PRKCH: variants seen among roughly 807,000 people sequenced by gnomAD.
PRKCH encodes the protein protein kinase C eta type.
In PRKCH, 28 loss-of-function variants were observed where a neutral mutation model predicts 82.5. That is an observed-to-expected ratio of 0.34 (90% CI 0.25 to 0.47). The LOEUF is 0.47. PRKCH is among the 20% of genes least tolerant of loss of function. The pLI is 1.00. For synonymous variants in PRKCH, 322 were observed against 327.4 expected, an observed-to-expected ratio of 0.98 and a Z score of 0.18; for missense variants, 705 against 881.8, an observed-to-expected ratio of 0.80 and a Z score of 2.54.
chr14:61,266,588 G>A (rs1252546557), intron 1 of PRKCH, among the ~76,000 whole-genome samples: 1 of 152,182 alleles, frequency 6.6e-6, no homozygotes, highest in African/African-American at 2.4e-5. Context: ...AATCATTCAT[G>A]AGCCTCCGAA....
At chr14:61,411,947 G>A (rs1236317923) in intron 2 of PRKCH, among the ~76,000 whole-genome samples, 1 of 152,210 alleles carries the variant, frequency 6.6e-6, no homozygotes, top group East Asian at 1.9e-4. Flanking sequence ...GGAGCATTGG[G>A]TAGAGTAGAG....
intron 10 of PRKCH, among the ~76,000 whole-genome samples, chr14:61,514,773 T>C (rs188137816): frequency 2.0e-4 from 30 of 152,224 alleles, no homozygotes; most frequent in Admixed American, 1.7e-3. Context: ...TATAAAGATA[T>C]AGAAACGAAG....
chr14:61,412,405 C>T (rs1373861500), intron 2 of PRKCH, among the ~76,000 whole-genome samples: 2 of 152,158 alleles, frequency 1.3e-5, no homozygotes, highest in African/African-American at 2.4e-5. Context: ...TTCTATGACT[C>T]CATCCTTATG....
chr14:61,329,976 G>T (rs548272500), intron 1 of PRKCH, among the ~76,000 whole-genome samples: 8 of 152,172 alleles, frequency 5.3e-5, no homozygotes, highest in African/African-American at 1.7e-4. Context: ...TATTTGAAAT[G>T]CCAAGCCCTA....
At chr14:61,326,769 A>C (rs529608536) in intron 1 of PRKCH, 1 of 205,232 alleles carries the variant, frequency 4.9e-6, no homozygotes, top group Non-Finnish European at 1.0e-5. Context: ...GAAAAAATGA[A>C]ATCACAATAA....
At chr14:61,219,232 T>C (rs1385503989) in intron 1 of PRKCH, among the ~76,000 whole-genome samples, 4 of 152,224 alleles carry the variant, frequency 2.6e-5, no homozygotes, top group Non-Finnish European at 2.9e-5. Context: ...GGTAGTTGTG[T>C]ATTATTAGGG....
At chr14:61,191,614 G>A (rs1244994176) in intron 1 of PRKCH, among the ~76,000 whole-genome samples, 3 of 151,924 alleles carry the variant, frequency 2.0e-5, no homozygotes, top group East Asian at 1.9e-4. Context: ...CGGAGGTTGC[G>A]GTAAGCTGAG....
chr14:61,195,462 C>T (rs2044433970), intron 1 of PRKCH, among the ~76,000 whole-genome samples: 1 of 152,170 alleles, frequency 6.6e-6, no homozygotes, highest in African/African-American at 2.4e-5. Context: ...AGGCAATGTG[C>T]TAGTCACTGG....
At chr14:61,199,070 G>A (rs1024680776) in intron 1 of PRKCH, among the ~76,000 whole-genome samples, 6 of 152,162 alleles carry the variant, frequency 3.9e-5, no homozygotes, top group African/African-American at 1.2e-4. Context: ...AATGTCATCA[G>A]TAGGGGAAAG....
In PRKCH at chr14:61,443,141, A is replaced by G. The variant is rs771642829; in HGVS notation, c.458A>G (p.His153Arg). Reference sequence around the variant, plus strand: ...CTCCAGAGAGACCGGATCTTCAAACATTTTACCAGGAAGCGCCAAAGGGCT... The same window carrying G: ...CTCCAGAGAGACCGGATCTTCAAACGTTTTACCAGGAAGCGCCAAAGGGCT... ...ATLQRDRIFK[H>R]FTRKRQRAMR... Residue 153 changes from histidine to arginine, a missense_variant, in exon 3 of 14, where the codon CAT becomes CGT. Transcript: ENST00000332981. 2 of 1,613,980 alleles carry G rather than the reference A, an allele frequency of 1.2e-6. No homozygotes were observed. The highest frequency in any genetic ancestry group is 1.7e-6 in the Non-Finnish European group (2 of 1,179,924).
intron 3 of PRKCH, among the ~76,000 whole-genome samples, chr14:61,444,994 G>A (rs1416729751): frequency 1.3e-5 from 2 of 152,214 alleles, no homozygotes; most frequent in African/African-American, 4.8e-5. Context: ...TTTGTGTGCT[G>A]CCTCCCGTGG....
chr14:61,411,539 TCAGACAA>T (rs1882270541), intron 2 of PRKCH, among the ~76,000 whole-genome samples: 1 of 152,292 alleles, frequency 6.6e-6, no homozygotes, highest in Non-Finnish European at 1.5e-5. Flanking sequence ...ACTGGATACA[TCAGACAA>T]CAAAGGCCAA....
intron 1 of PRKCH, among the ~76,000 whole-genome samples, chr14:61,207,058 A>T (rs1403630740): frequency 7.2e-6 from 1 of 138,968 alleles, no homozygotes; most frequent in Non-Finnish European, 1.5e-5. Flanking sequence ...GTGAGCCGAG[A>T]TCATGCCATT....
At chr14:61,209,208 G>A (rs2044550112) in intron 1 of PRKCH, among the ~76,000 whole-genome samples, 1 of 149,894 alleles carries the variant, frequency 6.7e-6, no homozygotes, top group Non-Finnish European at 1.5e-5. Context: ...GGACTTCTCA[G>A]CCTCAAAAAC....
At chr14:61,257,054 T>C (rs1442809443) in intron 1 of PRKCH, among the ~76,000 whole-genome samples, 4 of 152,218 alleles carry the variant, frequency 2.6e-5, no homozygotes, top group African/African-American at 9.6e-5. Context: ...TGCTTTCCTT[T>C]TGTTGTGTGC....
chr14:61,370,303 T>C (rs1341409260), intron 1 of PRKCH, among the ~76,000 whole-genome samples: 1 of 152,072 alleles, frequency 6.6e-6, no homozygotes, highest in Non-Finnish European at 1.5e-5. Flanking sequence ...TCTTTGGTTG[T>C]TGGAGAAAAA....
At chr14:61,453,140 C>A in intron 6 of PRKCH, 86 bp from the exon 7 acceptor site, 2 of 1,520,168 alleles carry the variant, frequency 1.3e-6, no homozygotes, top group Non-Finnish European at 1.8e-6. Context: ...CTGTTATAAT[C>A]TTTTAGGCTA....
intron 9 of PRKCH, among the ~76,000 whole-genome samples, chr14:61,474,789 C>A (rs1265887943): frequency 6.6e-6 from 1 of 152,100 alleles, no homozygotes; most frequent in African/African-American, 2.4e-5. Context: ...GCCAGAGGAC[C>A]AGAGAAGAGT....
chr14:61,340,837 G>A (rs2045922697), intron 1 of PRKCH, among the ~76,000 whole-genome samples: 1 of 152,120 alleles, frequency 6.6e-6, no homozygotes. Context: ...TCTTGCCGTT[G>A]TTCAGTCACC....
Sources: gnomAD v4.1 joint callset for allele counts (sites outside exome capture counted in the v4.1 genomes callset) on GRCh38, gnomAD v4.1.1 for gene constraint, MANE v1.5 for transcripts, NCBI Gene and HGNC (gene_info 2026-07-23, HGNC 2026-07-21) for gene names.